Variants in CREB3L2 observed in about 807,000 individuals in gnomAD.
The protein encoded by CREB3L2 is cAMP responsive element binding protein 3 like 2, also known as cyclic AMP-responsive element-binding protein 3-like protein 2.
In CREB3L2, 23 loss-of-function variants were observed where a neutral mutation model predicts 57.2. The observed-to-expected ratio is 0.40, with a 90% CI of 0.29 to 0.57. The LOEUF is 0.57. Among genes scored for constraint, CREB3L2 ranks in the 20% least tolerant of loss-of-function variants. The probability of loss-of-function intolerance (pLI) is 0.42; values close to 1 mark genes in which losing one functional copy is unlikely to be tolerated. For synonymous variants in CREB3L2, 268 were observed against 265.1 expected (o/e 1.01, Z -0.11); for missense variants, 628 against 634.7 (o/e 0.99, Z 0.11).
intron 1 of CREB3L2, among the ~76,000 whole-genome samples, chr7:137,960,771 T>A (rs1434694338): frequency 6.6e-6 from 1 of 151,982 alleles, no homozygotes; most frequent in Non-Finnish European, 1.5e-5. Context: ...AACATAATCT[T>A]ATTTACCAAT....
At chr7:137,981,427 A>G (rs911265726) in intron 1 of CREB3L2, among the ~76,000 whole-genome samples, 1 of 152,250 alleles carries the variant, frequency 6.6e-6, no homozygotes, top group Non-Finnish European at 1.5e-5. Context: ...AACATATCAA[A>G]TGAGGTCAAA....
rs759230081 is a variant in CREB3L2 at position 137,882,463 on chromosome 7, G to C, written c.1436C>G (p.Ser479Trp). Residue 479 changes from serine to tryptophan, a missense_variant, in exon 11 of 12, where the codon TCG becomes TGG. By Grantham distance (177) the Ser-to-Trp change is radical. Coordinates refer to ENST00000330387, the MANE Select transcript of CREB3L2 (RefSeq NM_194071.4). ...TGACTTCTCCAGGCTGGTCTCATTC[G>C]AGATAATGAAATGGGGAAGATCCAC... is the stretch of plus-strand genomic sequence containing the variant. ...PDVDLPHFII[S>W]NETSLEKSVL... The C allele has an allele frequency of 1.2e-6, 2 of 1,613,972 alleles. No individual in the cohort carries two copies. Among genetic ancestry groups the C allele is most frequent in the Admixed American group, 1.7e-5 (1 of 60,010 alleles).
rs914628762 is a variant in CREB3L2, at chr7:137,980,818, C to T, written c.102+20786G>A. Among the ~76,000 whole-genome samples the T allele has an allele frequency of 6.6e-6, 1 of 152,226 alleles. No homozygotes were observed. Among genetic ancestry groups the T allele is most frequent in the African/African-American group, 2.4e-5 (1 of 41,460 alleles). On this transcript the variant is annotated intron_variant, in intron 1 of 11. Coordinates refer to ENST00000330387, the MANE Select transcript of CREB3L2 (RefSeq NM_194071.4). This position sits in a 1 kb window ranked among gnomAD's most constrained non-coding sequence, Gnocchi z 4.3. ...CTCATTAATTTCTAAGAGTGACCAG[C>T]TCCTCTCTTTGCCTCTCCTGCTCTT...
Position 137,946,864 on chromosome 7 carries a change from TTATA to T in CREB3L2, c.103-18502_103-18499del, listed in dbSNP as rs1157418834. On this transcript the variant is annotated intron_variant, in intron 1 of 11. Coordinates refer to ENST00000330387, the MANE Select transcript of CREB3L2 (RefSeq NM_194071.4). Reference sequence around the variant, plus strand: ...GTTATCTATATAGTTATCTATATAGTTATATATATAGTTATCTATATAGTTATAT... The same window carrying T: ...GTTATCTATATAGTTATCTATATAGTTATATAGTTATCTATATAGTTATAT... 1.9e-4 allele frequency among the ~76,000 whole-genome samples: 6 copies of T among 30,982 alleles called. 2 individuals are homozygous for T. Among genetic ancestry groups the T allele is most frequent in the Non-Finnish European group, 3.3e-4 (6 of 18,426 alleles). 20.3% of individuals were successfully genotyped at this position (30,982 alleles called of 152,430 possible).
intron 1 of CREB3L2, among the ~76,000 whole-genome samples, chr7:137,969,018 C>T (rs961172172): frequency 4.6e-5 from 7 of 152,096 alleles, no homozygotes; most frequent in East Asian, 1.9e-4. Context: ...GAAGACGTGG[C>T]GCCCCATAAA....
Position 137,878,193 on chromosome 7 carries a change from G to A in CREB3L2, c.*2283C>T. The A allele has an allele frequency of 4.3e-6, 1 of 231,922 alleles. No homozygotes were observed. 14.4% of individuals were successfully genotyped at this position (231,922 alleles called of 1,614,324 possible). A position where few individuals can be genotyped will look rare whatever the true frequency, so the allele number is the denominator to read the frequency against. On this transcript the variant is annotated 3_prime_UTR_variant, in exon 12 of 12. Coordinates refer to ENST00000330387, the MANE Select transcript of CREB3L2 (RefSeq NM_194071.4). ...AATCCTCAAAGCACTAAGGACAGGGGCTAGAAGTTTCCTTTATCTTCTCCC... is the reference window on the plus strand; with the variant it reads ...AATCCTCAAAGCACTAAGGACAGGGACTAGAAGTTTCCTTTATCTTCTCCC...
intron 1 of CREB3L2, among the ~76,000 whole-genome samples, chr7:137,958,673 G>C (rs1335540109): frequency 6.6e-6 from 1 of 152,224 alleles, no homozygotes; most frequent in African/African-American, 2.4e-5. Flanking sequence ...GAAATCCAGT[G>C]AGTTAAGGGC....
chr7:137,885,088 T>C lies in CREB3L2; in HGVS notation c.1177A>G (p.Ser393Gly). ...TAGGGCCCGTAGCCTTGAAAGAAGC[T>C]GCCGAATGCAACGGCAAAGCACAGC... ...VVLCFAVAFG[S>G]FFQGYGPYPS... The change falls in exon 10 of 12, where the codon AGC becomes GGC. Residue 393 changes from serine (S) to glycine (G), a missense_variant. This residue lies in a region of CREB3L2 where 272 missense variants were observed against 242.7 expected (regional missense o/e 1.12). Coordinates refer to ENST00000330387, the MANE Select transcript of CREB3L2 (RefSeq NM_194071.4). The C allele has an allele frequency of 6.2e-7, 1 of 1,614,116 alleles. No individual in the cohort carries two copies. Among genetic ancestry groups the C allele is most frequent in the Non-Finnish European group, 8.5e-7 (1 of 1,180,024 alleles).
intron 1 of CREB3L2, among the ~76,000 whole-genome samples, chr7:137,940,331 T>A (rs1800860726): frequency 6.6e-6 from 1 of 152,216 alleles, no homozygotes; most frequent in African/African-American, 2.4e-5. Context: ...GTATTTACTA[T>A]TCCTACACTC....
intron 1 of CREB3L2, among the ~76,000 whole-genome samples, chr7:137,982,445 A>AC (rs1801726718): frequency 8.2e-6 from 1 of 121,938 alleles, no homozygotes; most frequent in South Asian, 2.2e-4. Flanking sequence ...CTCATCTTGA[A>AC]TTTAGCTCCC....
intron 1 of CREB3L2, among the ~76,000 whole-genome samples, chr7:137,946,832 ATATATAGTTATC>A (rs1368316429): frequency 0.011 from 558 of 52,778 alleles, 149 homozygotes; most frequent in Non-Finnish European, 0.011. Flanking sequence ...ATAGTTATCT[ATATATAGTTATC>A]TATATAGTTA....
chr7:137,885,527 A>AG (rs771344482), intron 8 of CREB3L2, 25 bp from the exon 9 acceptor site: 28 of 1,564,616 alleles, frequency 1.8e-5, no homozygotes, highest in African/African-American at 4.1e-5. Flanking sequence ...AACAGCCGTG[A>AG]GGGGAGTCTG....
At chr7:137,918,602 C>A (rs79278487) in intron 2 of CREB3L2, among the ~76,000 whole-genome samples, 1 of 151,996 alleles carries the variant, frequency 6.6e-6, no homozygotes, top group South Asian at 2.1e-4. Flanking sequence ...CTGAAATGGA[C>A]GGTAAGGAAG....
chr7:137,946,980 A>C (rs1359892742), intron 1 of CREB3L2, among the ~76,000 whole-genome samples: 6 of 130,552 alleles, frequency 4.6e-5, no homozygotes, highest in African/African-American at 1.3e-4. Flanking sequence ...ATAGTTATAT[A>C]TATATAGTTA....
rs780475960 is a variant in CREB3L2 at position 137,915,887 on chromosome 7, T to C, written c.445A>G (p.Ile149Val). ...TCCTCCTTTTCCAACGGGGTGGAGA[T>C]GGCTGTGATGGTCAGAGTGACAGAC... is the stretch of plus-strand genomic sequence containing the variant. The part of the protein sequence containing the change: ...VPSVTLTITA[I>V]STPLEKEEPP... Residue 149 changes from isoleucine to valine, a missense_variant, in exon 3 of 12, where the codon ATC becomes GTC. Ile to Val is a conservative substitution (Grantham distance 29). This residue lies in a region of CREB3L2 where 339 missense variants were observed against 355.4 expected (regional missense o/e 0.95). Transcript: ENST00000330387. The C allele has an allele frequency of 5.6e-6, 9 of 1,614,180 alleles. No individual in the cohort carries two copies. Among genetic ancestry groups the C allele is most frequent in the South Asian group, 1.1e-5 (1 of 91,082 alleles).
chr7:137,912,222 C>A (rs908360222), intron 4 of CREB3L2, among the ~76,000 whole-genome samples: 3 of 151,940 alleles, frequency 2.0e-5, no homozygotes, highest in African/African-American at 4.8e-5. Context: ...ACTAAAAATA[C>A]CAAAATTAGC....
At chr7:137,961,379 C>G (rs1039969751) in intron 1 of CREB3L2, among the ~76,000 whole-genome samples, 2 of 152,160 alleles carry the variant, frequency 1.3e-5, no homozygotes, top group African/African-American at 2.4e-5. Context: ...GGGCCCTCCC[C>G]CTGCACAGTC....
intron 1 of CREB3L2, among the ~76,000 whole-genome samples, chr7:137,964,004 T>G (rs1333255183): frequency 6.6e-6 from 1 of 152,220 alleles, no homozygotes; most frequent in East Asian, 1.9e-4. Context: ...TTATCCCTTT[T>G]AAGATGGCCA....
rs763457546 is a variant in CREB3L2, at chr7:137,928,189, G to A, written c.280C>T (p.Pro94Ser). 1.3e-6 allele frequency: 2 copies of A among 1,593,380 alleles called. No homozygotes were observed. Among genetic ancestry groups the A allele is most frequent in the African/African-American group, 1.3e-5 (1 of 74,588 alleles). The change falls in exon 2 of 12, where the codon CCC (proline) becomes TCC (serine). Residue 94 changes from proline to serine, a missense_variant. Pro to Ser is a moderately conservative substitution (Grantham distance 74). Transcript: ENST00000330387. ...TCACTGGTGGTAATGTGGGTGAAGG[G>A]CGACTGGGCCCGAGGCTCCTCGCAC... ...SLCEEPRAQS[P>S]FTHITTSDSF...
Sources: gnomAD v4.1 joint callset for allele counts (sites outside exome capture counted in the v4.1 genomes callset) on GRCh38, gnomAD v4.1.1 for gene constraint, gnomAD v4.1.1 regional missense constraint, Gnocchi (gnomAD v3.1) non-coding constraint, MANE v1.5 for transcripts, NCBI Gene and HGNC (gene_info 2026-07-23, HGNC 2026-07-21) for gene names.